Variants in PMFBP1 observed in about 807,000 individuals in gnomAD.
PMFBP1 encodes polyamine modulated factor 1 binding protein 1.
Under a neutral mutation model 137.8 loss-of-function variants are expected in PMFBP1, and 131 were observed. The observed-to-expected ratio is 0.95, with a 90% confidence interval of 0.82 to 1.10. PMFBP1 has a LOEUF of 1.10. PMFBP1 is among the 50% of genes least tolerant of loss of function. PMFBP1 has a pLI of 0.00. For synonymous variants in PMFBP1, 490 were observed against 450.4 expected, an observed-to-expected ratio of 1.09 and a Z score of -1.11; for missense variants, 1,199 against 1,175.4, an observed-to-expected ratio of 1.02 and a Z score of -0.29.
intron 4 of PMFBP1, among the ~76,000 whole-genome samples, chr16:72,152,643 A>T (rs2042918484): frequency 6.6e-6 from 1 of 151,988 alleles, no homozygotes; most frequent in African/African-American, 2.4e-5. Flanking sequence ...TCAGGAGTTC[A>T]AGACCAGCCT....
the PMFBP1 span, among the ~76,000 whole-genome samples, chr16:72,202,716 G>A: frequency 2.0e-5 from 3 of 152,300 alleles, no homozygotes; most frequent in Admixed American, 2.0e-4. Flanking sequence ...CCTCCTGACT[G>A]CTGGGAGCAC....
intron 5 of PMFBP1, among the ~76,000 whole-genome samples, chr16:72,141,524 T>C (rs1339148995): frequency 6.6e-6 from 1 of 152,204 alleles, no homozygotes; most frequent in Non-Finnish European, 1.5e-5. Flanking sequence ...ATAATATAAA[T>C]GAATCTGTAC....
chr16:72,247,066 T>A, the PMFBP1 span, among the ~76,000 whole-genome samples: 1 of 152,188 alleles, frequency 6.6e-6, no homozygotes, highest in Non-Finnish European at 1.5e-5. Context: ...ACCTGTCCGA[T>A]GAAGAGGTAC....
At chr16:72,189,977 C>A in the PMFBP1 span, among the ~76,000 whole-genome samples, 1 of 151,966 alleles carries the variant, frequency 6.6e-6, no homozygotes, top group African/African-American at 2.4e-5. Flanking sequence ...AGTCACGGGT[C>A]TTGGCAGGCA....
chr16:72,119,390 G>A (rs775904301), intron 20 of PMFBP1, 36 bp from the exon 21 acceptor site: 18 of 1,614,074 alleles, frequency 1.1e-5, no homozygotes, highest in East Asian at 2.2e-5. Flanking sequence ...GTTTTGATTC[G>A]AGGAGAAATT....
intron 14 of PMFBP1, among the ~76,000 whole-genome samples, chr16:72,126,665 C>T (rs375172184): frequency 9.9e-5 from 15 of 152,172 alleles, no homozygotes; most frequent in African/African-American, 3.1e-4. Flanking sequence ...TGTTCTGTCA[C>T]GTGAAATATT....
At chr16:72,185,407 A>T in the PMFBP1 span, among the ~76,000 whole-genome samples, 1 of 151,974 alleles carries the variant, frequency 6.6e-6, no homozygotes, top group Admixed American at 6.6e-5. Context: ...AGTTTCTTGG[A>T]CACACACCCA....
the PMFBP1 span, among the ~76,000 whole-genome samples, chr16:72,188,160 G>A: frequency 6.6e-6 from 1 of 152,254 alleles, no homozygotes; most frequent in Non-Finnish European, 1.5e-5. Flanking sequence ...GTTATGCAGT[G>A]AAATCTTACT....
At chr16:72,157,718 T>C (rs894178180) in intron 3 of PMFBP1, among the ~76,000 whole-genome samples, 1 of 152,112 alleles carries the variant, frequency 6.6e-6, no homozygotes, top group African/African-American at 2.4e-5. Context: ...TTTATGAAGG[T>C]CACACTGGCT....
In PMFBP1 at chr16:72,139,336, G is replaced by C; in HGVS notation, c.871C>G (p.His291Asp). Residue 291 changes from histidine to aspartate, a missense_variant, in exon 7 of 21, where the codon CAC (histidine) becomes GAC (aspartate). By Grantham distance (81) the His-to-Asp change is moderately conservative (BLOSUM62 -1). Coordinates refer to ENST00000237353, the MANE Select transcript of PMFBP1 (RefSeq NM_031293.3). ...TCTGAGGAGCTAGGAGGGTATCTGTGGGTGGCTGTACAGGAAGCAAAATCG... is the reference window on the plus strand; with the variant it reads ...TCTGAGGAGCTAGGAGGGTATCTGTCGGTGGCTGTACAGGAAGCAAAATCG... ...QADFASCTAT[H>D]RYPPSSSEEC... 1 of 1,614,150 alleles carries C rather than the reference G, an allele frequency of 6.2e-7. No individual in the cohort carries two copies. Among genetic ancestry groups the C allele is most frequent in the Non-Finnish European group, 8.5e-7 (1 of 1,180,010 alleles).
At chr16:72,217,587 C>G in the PMFBP1 span, among the ~76,000 whole-genome samples, 3 of 152,160 alleles carry the variant, frequency 2.0e-5, no homozygotes, top group African/African-American at 7.2e-5. Flanking sequence ...TACAGTGGCT[C>G]ACATCTGTAA....
At chr16:72,146,148 C>T (rs1195462691) in intron 5 of PMFBP1, among the ~76,000 whole-genome samples, 1 of 152,166 alleles carries the variant, frequency 6.6e-6, no homozygotes, top group Admixed American at 6.5e-5. Flanking sequence ...AAACCGAATC[C>T]AGCAGCACAT....
the PMFBP1 span, among the ~76,000 whole-genome samples, chr16:72,222,032 T>G: frequency 6.6e-6 from 1 of 152,178 alleles, no homozygotes; most frequent in Non-Finnish European, 1.5e-5. Flanking sequence ...GAAAACCATT[T>G]TACAAGATGT....
intron 16 of PMFBP1, 83 bp downstream of exon 16, chr16:72,125,155 T>C: frequency 6.6e-7 from 1 of 1,513,352 alleles, no homozygotes; most frequent in Non-Finnish European, 8.9e-7. Flanking sequence ...GGGAATGACT[T>C]AGTGCTAAAT....
chr16:72,198,693 G>C, the PMFBP1 span, among the ~76,000 whole-genome samples: 1 of 151,968 alleles, frequency 6.6e-6, no homozygotes, highest in Non-Finnish European at 1.5e-5. Flanking sequence ...ACCAGCTTTG[G>C]GCTATACCTG....
chr16:72,155,424 C>T (rs1189822691), intron 3 of PMFBP1, among the ~76,000 whole-genome samples: 1 of 152,162 alleles, frequency 6.6e-6, no homozygotes, highest in African/African-American at 2.4e-5. Context: ...CTAGCATGTC[C>T]TTAATGTGCT....
rs1245280055 is a variant in PMFBP1, at chr16:72,140,456, G to C, written c.763C>G (p.Leu255Val). 1.1e-5 allele frequency: 18 copies of C among 1,613,934 alleles called. No individual in the cohort carries two copies. The East Asian group carries it at 3.1e-4, about 28-fold the overall frequency. Reference protein sequence around the residue: ...VWQKVSQQDDLIQELRNKLAC... With the variant: ...VWQKVSQQDDVIQELRNKLAC... ...AGCTTATTTCGAAGTTCTTGAATGA[G>C]ATCATCCTGTTGAGAGACCTTTTGC... Residue 255 changes from leucine to valine, a missense_variant, in exon 6 of 21, where the codon CTC becomes GTC. Transcript: ENST00000237353.
At chr16:72,188,833 C>T in the PMFBP1 span, among the ~76,000 whole-genome samples, 2 of 151,960 alleles carry the variant, frequency 1.3e-5, no homozygotes, top group Admixed American at 1.3e-4. Flanking sequence ...TTAAGCTCGG[C>T]GGCCATGGAA....
chr16:72,217,709 C>T, the PMFBP1 span, among the ~76,000 whole-genome samples: 21 of 152,104 alleles, frequency 1.4e-4, no homozygotes, highest in Admixed American at 1.2e-3. Context: ...AAAAATTAGC[C>T]GAGTGTGGTG....
Sources: gnomAD v4.1 joint callset for allele counts (sites outside exome capture counted in the v4.1 genomes callset) on GRCh38, gnomAD v4.1.1 for gene constraint, MANE v1.5 for transcripts, NCBI Gene and HGNC (gene_info 2026-07-23, HGNC 2026-07-21) for gene names.